The following KRT79 variants were observed in gnomAD, a reference collection of about 807,000 sequenced individuals.
The protein encoded by KRT79 is keratin, type II cytoskeletal 79.
A neutral mutation model predicts 49.0 loss-of-function variants in KRT79; 51 were observed. That is an observed-to-expected ratio of 1.04 (90% CI 0.83 to 1.31). The LOEUF (loss-of-function observed/expected upper bound fraction) is 1.31, where lower values mean the gene tolerates loss of function less well. Ranked by LOEUF, KRT79 falls within the 40% of genes most tolerant of loss-of-function variation. The probability of loss-of-function intolerance (pLI) is 0.00; values close to 1 mark genes in which losing one functional copy is unlikely to be tolerated. For synonymous variants in KRT79, 312 were observed against 286.6 expected (o/e 1.09, Z -0.90); for missense variants, 728 against 688.0 (o/e 1.06, Z -0.65).
At chr12:52,823,517 A>G (rs1265099303) in intron 6 of KRT79, among the ~76,000 whole-genome samples, 1 of 152,210 alleles carries the variant, frequency 6.6e-6, no homozygotes, top group Non-Finnish European at 1.5e-5. Context: ...ATTAGTAACC[A>G]GGTGCTTCAT....
intron 7 of KRT79, 60 bp downstream of exon 7, chr12:52,822,956 G>T: frequency 3.2e-6 from 5 of 1,545,214 alleles, no homozygotes; most frequent in Non-Finnish European, 2.6e-6. Flanking sequence ...CAGACTCCCT[G>T]GGCTCTCCCC....
Position 52,834,205 on chromosome 12 carries a change from T to G in KRT79, c.56A>C (p.Asn19Thr). Residue 19 changes from asparagine to threonine, a missense_variant, in exon 1 of 9, where the codon AAC becomes ACC. By Grantham distance (65) the Asn-to-Thr change is moderately conservative (BLOSUM62 0). Transcript: ENST00000330553. ...GGACCCACTCCCTCCGCTGGCAGAG[T>G]TGGAGCTGAAGCCCCCTTTTGTGGA... Reference protein sequence around the residue: ...TYSTKGGFSSNSASGGSGSQA... With the variant: ...TYSTKGGFSSTSASGGSGSQA... 1 of 1,613,676 alleles carries G rather than the reference T, an allele frequency of 6.2e-7. No individual in the cohort carries two copies. Among genetic ancestry groups the G allele is most frequent in the Non-Finnish European group, 8.5e-7 (1 of 1,179,952 alleles).
chr12:52,831,665 C>T (rs760920882), intron 1 of KRT79, 39 bp from the exon 2 acceptor site: 21 of 1,534,050 alleles, frequency 1.4e-5, no homozygotes, highest in African/African-American at 2.7e-5. Context: ...TGTCACCCTC[C>T]GGTCACCAGA....
At chr12:52,824,866 G>A (rs1940155747) in intron 4 of KRT79, among the ~76,000 whole-genome samples, 1 of 152,200 alleles carries the variant, frequency 6.6e-6, no homozygotes, top group Non-Finnish European at 1.5e-5. Flanking sequence ...TTGGAGAGGA[G>A]AAGTGATGCA....
In KRT79 at chr12:52,821,613, C is replaced by CGCAGTATCACT; in HGVS notation, c.*258_*259insAGTGATACTGC. ...AGAAATTCAGCCTCCTCTCGGTGGT[C>CGCAGTATCACT]AAAAGGTCACCCCCAAGTCACCCAA... is the stretch of plus-strand genomic sequence containing the variant. On this transcript the variant is annotated 3_prime_UTR_variant, in exon 9 of 9. Transcript: ENST00000330553. 2 of 494,332 alleles carry CGCAGTATCACT rather than the reference C, an allele frequency of 4.0e-6. No individual in the cohort carries two copies. Among genetic ancestry groups the CGCAGTATCACT allele is most frequent in the South Asian group, 2.3e-5 (1 of 43,484 alleles). 30.6% of individuals were successfully genotyped at this position (494,332 alleles called of 1,614,324 possible). A position where few individuals can be genotyped will look rare whatever the true frequency, so the allele number is the denominator to read the frequency against.
intron 4 of KRT79, among the ~76,000 whole-genome samples, chr12:52,826,496 G>A (rs1387452254): frequency 7.4e-6 from 1 of 135,944 alleles, no homozygotes; most frequent in African/African-American, 2.8e-5. Flanking sequence ...ATGAGTGACA[G>A]AATGAGACCC....
rs768963365 is a variant in KRT79, at chr12:52,834,053, T to A, written c.208A>T (p.Ser70Cys). 1.9e-6 allele frequency: 3 copies of A among 1,613,016 alleles called. No individual in the cohort carries two copies. Among genetic ancestry groups the A allele is most frequent in the Non-Finnish European group, 2.5e-6 (3 of 1,179,694 alleles). Residue 70 changes from serine to cysteine, a missense_variant, in exon 1 of 9, where the codon AGT becomes TGT. Transcript: ENST00000330553. ...CCTCCGGCCACACTGACAGAGATAC[T>A]CTTGTGGCCCCCCAAGTTATAGAGG... ...RSLYNLGGHK[S>C]ISVSVAGGAL... is the part of the protein sequence containing the mutation.
In KRT79 at chr12:52,821,614, A is replaced by ACCGTATCATG; in HGVS notation, c.*257_*258insCATGATACGG. The ACCGTATCATG allele has an allele frequency of 2.6e-6, 1 of 391,630 alleles. No individual in the cohort carries two copies. Among genetic ancestry groups the ACCGTATCATG allele is most frequent in the Non-Finnish European group, 4.5e-6 (1 of 222,544 alleles). The allele number at this position is 391,630 out of a possible 1,614,324, so 24.3% of individuals were successfully genotyped here. On this transcript the variant is annotated 3_prime_UTR_variant, in exon 9 of 9. Transcript: ENST00000330553. Reference sequence around the variant, plus strand: ...GAAATTCAGCCTCCTCTCGGTGGTCAAAAGGTCACCCCCAAGTCACCCAAG... The same window carrying ACCGTATCATG: ...GAAATTCAGCCTCCTCTCGGTGGTCACCGTATCATGAAAGGTCACCCCCAAGTCACCCAAG...
chr12:52,833,281 G>A (rs1306299327), intron 1 of KRT79, among the ~76,000 whole-genome samples: 1 of 152,168 alleles, frequency 6.6e-6, no homozygotes, highest in East Asian at 1.9e-4. Context: ...ACACACAACT[G>A]TGTTTTGATC....
chr12:52,822,475 A>G, intron 7 of KRT79, 96 bp from the exon 8 acceptor site: 1 of 790,348 alleles, frequency 1.3e-6, no homozygotes, highest in Non-Finnish European at 2.0e-6. Flanking sequence ...GGATCCACTC[A>G]GTGAATCCTG....
At chr12:52,832,005 A>G (rs1940263252) in intron 1 of KRT79, among the ~76,000 whole-genome samples, 2 of 152,166 alleles carry the variant, frequency 1.3e-5, no homozygotes, top group South Asian at 4.1e-4. Context: ...ATGTAAATCA[A>G]CTGTTTAAAA....
chr12:52,821,757 C>T lies in KRT79; in HGVS notation c.*115G>A, dbSNP rs1342505419. On this transcript the variant is annotated 3_prime_UTR_variant, in exon 9 of 9. Coordinates refer to ENST00000330553, the MANE Select transcript of KRT79 (RefSeq NM_175834.3). ...GCAAATAGTCTGGTATGAAAATACC[C>T]TGGGTCTGAGGTCCCCTGGCTGTTC... 1 of 888,078 alleles carries T rather than the reference C, an allele frequency of 1.1e-6. No individual in the cohort carries two copies. Among genetic ancestry groups the T allele is most frequent in the Non-Finnish European group, 1.8e-6 (1 of 567,908 alleles). The allele number at this position is 888,078 out of a possible 1,614,324, so 55.0% of individuals were successfully genotyped here.
At chr12:52,832,944 A>G (rs1242390297) in intron 1 of KRT79, among the ~76,000 whole-genome samples, 1 of 152,220 alleles carries the variant, frequency 6.6e-6, no homozygotes, top group East Asian at 1.9e-4. Flanking sequence ...AGGGATGTGC[A>G]TGTTCTTCGG....
At chr12:52,824,438 GC>G in intron 4 of KRT79, 76 bp from the exon 5 acceptor site, 1 of 1,471,530 alleles carries the variant, frequency 6.8e-7, no homozygotes. Context: ...AAGGACATGG[GC>G]CCCCAGGTAG....
intron 1 of KRT79, among the ~76,000 whole-genome samples, chr12:52,832,032 C>A (rs140288816): frequency 6.6e-6 from 1 of 152,166 alleles, no homozygotes; most frequent in Non-Finnish European, 1.5e-5. Context: ...ACTTTGGGAG[C>A]CTGAAGCTGG....
In KRT79 at chr12:52,826,675, C is replaced by T. The variant is rs151023516; in HGVS notation, c.856-2313G>A. The stretch of plus-strand genomic sequence containing the variant: ...TCTAGGCAAGGGTAAAGGGAGCCAG[C>T]GGGCAGAAGTGGCACAAGCGGAAGA... On this transcript the variant is annotated intron_variant, in intron 4 of 8. Coordinates refer to ENST00000330553, the MANE Select transcript of KRT79 (RefSeq NM_175834.3). 3.9e-5 allele frequency among the ~76,000 whole-genome samples: 6 copies of T among 152,116 alleles called. No homozygotes were observed. In the South Asian group the frequency reaches 8.3e-4, roughly 21 times the overall value.
At chr12:52,831,336 G>A (rs1443285753) in intron 2 of KRT79, 70 bp downstream of exon 2, 3 of 1,435,586 alleles carry the variant, frequency 2.1e-6, no homozygotes, top group African/African-American at 1.4e-5. Flanking sequence ...GGAATGGGGT[G>A]GCCCTCTTGG....
intron 6 of KRT79, 54 bp from the exon 7 acceptor site, chr12:52,823,290 TC>T: frequency 7.0e-7 from 1 of 1,437,964 alleles, no homozygotes; most frequent in Non-Finnish European, 9.7e-7. Context: ...CCCATTCATC[TC>T]TCTGCCCTCA....
rs143203033 is a variant in KRT79 at position 52,825,516 on chromosome 12, G to C, written c.856-1154C>G. On this transcript the variant is annotated intron_variant, in intron 4 of 8. Coordinates refer to ENST00000330553, the MANE Select transcript of KRT79 (RefSeq NM_175834.3). ...CCCAGATCACAAGCCAGTAAGTGAGGAGCTCAGTTTCAAACCCCAGGAGTC... is the reference window on the plus strand; with the variant it reads ...CCCAGATCACAAGCCAGTAAGTGAGCAGCTCAGTTTCAAACCCCAGGAGTC... Among the ~76,000 whole-genome samples, 349 of 152,276 alleles carry C rather than the reference G, an allele frequency of 2.3e-3. 3 individuals carry two copies. The highest frequency in any genetic ancestry group is 8.2e-3 in the African/African-American group (341 of 41,552).
Sources: allele counts gnomAD v4.1 joint callset (sites outside exome capture counted in the v4.1 genomes callset), GRCh38; gene constraint gnomAD v4.1.1; transcripts MANE v1.5; gene names NCBI Gene and HGNC (gene_info 2026-07-23, HGNC 2026-07-21).